The following EYS variants were observed in gnomAD, a reference collection of about 807,000 sequenced individuals.
EYS encodes the protein protein eyes shut homolog.
In EYS, 250 loss-of-function variants were observed where a neutral mutation model predicts 282.1. The observed-to-expected ratio is 0.89, with a 90% CI of 0.80 to 0.98. The LOEUF is 0.98. Ranked by LOEUF, EYS falls within the 50% of genes least tolerant of loss-of-function variation. The pLI, the probability that EYS is intolerant of heterozygous loss-of-function variation, is 0.00. For missense variants in EYS, 4,016 were observed against 3,709.0 expected, an observed-to-expected ratio of 1.08 and a Z score of -2.15; for synonymous variants, 1,355 against 1,282.9, an observed-to-expected ratio of 1.06 and a Z score of -1.20.
At chr6:65,649,238 G>A (rs1767567075) in intron 1 of EYS, among the ~76,000 whole-genome samples, 1 of 151,118 alleles carries the variant, frequency 6.6e-6, no homozygotes, top group Non-Finnish European at 1.5e-5. Context: ...CTTTATTCTA[G>A]CAAGAGTTTT....
At position 65,067,305 on chromosome 6, in the gene EYS, A is replaced by T. The variant is rs947151696; in HGVS notation, c.2024-9578T>A. Among the ~76,000 whole-genome samples, 3 of 152,138 alleles carry T rather than the reference A, an allele frequency of 2.0e-5. No homozygotes were observed. In the South Asian group the frequency reaches 6.2e-4, roughly 31 times the overall value. On this transcript the variant is annotated intron_variant, in intron 12 of 42. Transcript: ENST00000503581. Reference sequence around the variant, plus strand: ...TATTCTTTCTGAATAGCTGGACATAATTAAATGATTATTCTTCCTTAGTCC... The same window carrying T: ...TATTCTTTCTGAATAGCTGGACATATTTAAATGATTATTCTTCCTTAGTCC...
At position 65,288,389 on chromosome 6, in the gene EYS, T is replaced by C. The variant is rs769118764; in HGVS notation, c.2023+7474A>G. ...GGTGTGCTTTAAAAAAATATAGGAA[T>C]GGACAAAGAGGAGTCAAAGTTATTA... On this transcript the variant is annotated intron_variant, in intron 12 of 42. Coordinates refer to ENST00000503581, the MANE Select transcript of EYS (RefSeq NM_001142800.2). Among the ~76,000 whole-genome samples the C allele has an allele frequency of 2.3e-4, 35 of 150,492 alleles. 1 individual carries two copies. The highest frequency in any genetic ancestry group is 4.2e-4 in the Non-Finnish European group (28 of 67,016).
chr6:65,412,616 C>A (rs9445543), intron 5 of EYS, among the ~76,000 whole-genome samples: 1 of 151,962 alleles, frequency 6.6e-6, no homozygotes. Flanking sequence ...TACTTATTTG[C>A]TATCCTTATA....
intron 12 of EYS, among the ~76,000 whole-genome samples, chr6:65,237,248 T>C (rs1476096833): frequency 6.6e-6 from 1 of 152,220 alleles, no homozygotes; most frequent in Non-Finnish European, 1.5e-5. Flanking sequence ...TATACCCAGA[T>C]ACTATTCAAA....
chr6:65,311,530 T>C (rs1322053297), intron 11 of EYS, among the ~76,000 whole-genome samples: 4 of 152,202 alleles, frequency 2.6e-5, no homozygotes, highest in Admixed American at 2.0e-4. Context: ...GTTTCCATCC[T>C]TTTCATTAGT....
At chr6:65,367,813 C>A (rs1764971661) in intron 8 of EYS, among the ~76,000 whole-genome samples, 2 of 151,654 alleles carry the variant, frequency 1.3e-5, no homozygotes, top group South Asian at 4.1e-4. Flanking sequence ...CAACAGAAAA[C>A]ATGTGGATTT....
intron 19 of EYS, among the ~76,000 whole-genome samples, chr6:64,847,735 CT>C (rs1285950375): frequency 3.9e-5 from 6 of 151,946 alleles, no homozygotes; most frequent in Non-Finnish European, 7.4e-5. Flanking sequence ...AAAAACCATA[CT>C]TTTTTTGCCA....
At chr6:65,165,739 GA>G (rs887172394) in intron 12 of EYS, among the ~76,000 whole-genome samples, 5 of 150,324 alleles carry the variant, frequency 3.3e-5, no homozygotes, top group South Asian at 2.1e-4. Flanking sequence ...GGATATTAGG[GA>G]AAAAAAAGTA....
intron 29 of EYS, among the ~76,000 whole-genome samples, chr6:64,381,866 G>C (rs1034207824): frequency 1.3e-5 from 2 of 151,956 alleles, no homozygotes; most frequent in African/African-American, 4.8e-5. Flanking sequence ...TCCCCTTTTT[G>C]TCAGGGCAAA....
At chr6:65,380,168 C>T (rs996750483) in intron 8 of EYS, among the ~76,000 whole-genome samples, 2 of 152,058 alleles carry the variant, frequency 1.3e-5, no homozygotes, top group Admixed American at 6.6e-5. Context: ...CAAGACAGTC[C>T]TAAGCAAAAA....
chr6:64,610,593 G>A (rs970750468), intron 24 of EYS, among the ~76,000 whole-genome samples: 2 of 151,648 alleles, frequency 1.3e-5, no homozygotes, highest in South Asian at 2.1e-4. Context: ...TAGTAGAAAC[G>A]GGGTTTCACC....
intron 22 of EYS, among the ~76,000 whole-genome samples, chr6:64,758,936 A>T (rs1773068160): frequency 6.6e-6 from 1 of 152,184 alleles, no homozygotes; most frequent in South Asian, 2.1e-4. Flanking sequence ...CAGGAGATAG[A>T]GACCATCCTG....
chr6:65,176,496 T>C (rs1765228050), intron 12 of EYS, among the ~76,000 whole-genome samples: 1 of 151,430 alleles, frequency 6.6e-6, no homozygotes, highest in African/African-American at 2.4e-5. Context: ...TGACATTTTA[T>C]TTAAAAAAAA....
chr6:65,485,713 G>A (rs545764591), intron 5 of EYS, among the ~76,000 whole-genome samples: 1 of 152,120 alleles, frequency 6.6e-6, no homozygotes, highest in Non-Finnish European at 1.5e-5. Flanking sequence ...CGTAAGACAG[G>A]CAACTCACTG....
At chr6:64,905,567 T>C (rs753034962) in intron 16 of EYS, among the ~76,000 whole-genome samples, 7 of 152,178 alleles carry the variant, frequency 4.6e-5, no homozygotes, top group Non-Finnish European at 7.4e-5. Flanking sequence ...ATTTTTATAC[T>C]TCTGCACTCG....
chr6:65,030,108 A>C, intron 13 of EYS, among the ~76,000 whole-genome samples: 1 of 152,126 alleles, frequency 6.6e-6, no homozygotes, highest in East Asian at 1.9e-4. Flanking sequence ...TACATCCCCC[A>C]AGTCTGGCCA....
chr6:65,404,664 C>T (rs1766650646), intron 6 of EYS, among the ~76,000 whole-genome samples: 1 of 151,588 alleles, frequency 6.6e-6, no homozygotes, highest in Non-Finnish European at 1.5e-5. Flanking sequence ...TTCTTCTCAG[C>T]AAAAGTTCAG....
intron 12 of EYS, among the ~76,000 whole-genome samples, chr6:65,127,825 T>A (rs971012428): frequency 1.3e-5 from 2 of 152,092 alleles, no homozygotes; most frequent in Admixed American, 6.6e-5. Flanking sequence ...ATATTAAATA[T>A]GTACAGAAAA....
At chr6:64,929,624 G>C (rs1207276084) in intron 15 of EYS, among the ~76,000 whole-genome samples, 5 of 152,072 alleles carry the variant, frequency 3.3e-5, no homozygotes, top group African/African-American at 1.2e-4. Context: ...ATCTGTCAAA[G>C]AAAGTATACT....
Sources: gnomAD v4.1 joint callset for allele counts (sites outside exome capture counted in the v4.1 genomes callset) on GRCh38, gnomAD v4.1.1 for gene constraint, MANE v1.5 for transcripts, NCBI Gene and HGNC (gene_info 2026-07-23, HGNC 2026-07-21) for gene names.